ASXL2: variants seen among roughly 807,000 people sequenced by gnomAD.
ASXL2 encodes the protein putative Polycomb group protein ASXL2.
In ASXL2, 23 loss-of-function variants were observed where a neutral mutation model predicts 122.0. The ratio of observed to expected loss-of-function variants is 0.19; its 90% CI spans 0.14 to 0.27. The LOEUF (loss-of-function observed/expected upper bound fraction) is 0.27, where lower values mean the gene tolerates loss of function less well. ASXL2 is among the 10% of genes least tolerant of loss of function. The probability of loss-of-function intolerance (pLI) is 1.00; values close to 1 mark genes in which losing one functional copy is unlikely to be tolerated. For missense variants in ASXL2, 1,518 were observed against 1,713.8 expected (o/e 0.89, Z 2.02); for synonymous variants, 650 against 637.0 (o/e 1.02, Z -0.31).
At chr2:25,864,762 T>C (rs1295079718) in intron 1 of ASXL2, among the ~76,000 whole-genome samples, 1 of 152,068 alleles carries the variant, frequency 6.6e-6, no homozygotes, top group Non-Finnish European at 1.5e-5. Flanking sequence ...TACTAAATTA[T>C]ACTAGGTATA....
intron 5 of ASXL2, among the ~76,000 whole-genome samples, chr2:25,797,653 G>A (rs1238487072): frequency 6.6e-6 from 1 of 152,160 alleles, no homozygotes; most frequent in Non-Finnish European, 1.5e-5. Flanking sequence ...CACAACATAT[G>A]TCATTAGGGA....
chr2:25,858,769 G>T (rs796990137), intron 1 of ASXL2, among the ~76,000 whole-genome samples: 3 of 150,810 alleles, frequency 2.0e-5, no homozygotes, highest in African/African-American at 7.3e-5. Context: ...ATTGATAAAG[G>T]GAAGAAATGG....
At chr2:25,843,745 T>C (rs1218884343) in intron 2 of ASXL2, among the ~76,000 whole-genome samples, 2 of 140,688 alleles carry the variant, frequency 1.4e-5, no homozygotes, top group African/African-American at 5.4e-5. Context: ...AAGGCTGCAG[T>C]ACACCATGAT....
chr2:25,867,083 A>G (rs977222138), intron 1 of ASXL2, among the ~76,000 whole-genome samples: 1 of 152,204 alleles, frequency 6.6e-6, no homozygotes, highest in African/African-American at 2.4e-5. Context: ...TATTTTTAGT[A>G]GAGACGGGGT....
Position 25,739,119 on chromosome 2 carries a change from T to C in ASXL2, c.*2910A>G, listed in dbSNP as rs1399439945. 1.3e-5 allele frequency: 2 copies of C among 152,268 alleles called. No homozygotes were observed. The highest frequency in any genetic ancestry group is 2.9e-5 in the Non-Finnish European group (2 of 68,080). The allele number at this position is 152,268 out of a possible 1,614,324, so 9.4% of individuals were successfully genotyped here. On this transcript the variant is annotated 3_prime_UTR_variant, in exon 13 of 13. Coordinates refer to ENST00000435504, the MANE Select transcript of ASXL2 (RefSeq NM_018263.6). ...CTGGGGTGACCTGCAGTGGAGGACA[T>C]CTGAAGGCTAGATAGGGGTGCACGG...
intron 6 of ASXL2, among the ~76,000 whole-genome samples, chr2:25,769,999 G>A (rs1325649608): frequency 6.6e-6 from 1 of 152,132 alleles, no homozygotes; most frequent in Non-Finnish European, 1.5e-5. Context: ...TACATAAAAT[G>A]GCAGTATTGA....
At chr2:25,763,454 C>T (rs1466803057) in intron 8 of ASXL2, among the ~76,000 whole-genome samples, 1 of 151,436 alleles carries the variant, frequency 6.6e-6, no homozygotes, top group African/African-American at 2.4e-5. Flanking sequence ...CACGCCACTG[C>T]ACTCCAGCCT....
rs2089965651 is a variant in ASXL2 at position 25,872,032 on chromosome 2, CA to C, written c.57+6133del. ...AGAAAAACAATGAGTGAAAATTTTGCATAACAGATCTATGGGATAAATGTAA... is the reference window on the plus strand; with the variant it reads ...AGAAAAACAATGAGTGAAAATTTTGCTAACAGATCTATGGGATAAATGTAA... On this transcript the variant is annotated intron_variant, in intron 1 of 12. Transcript: ENST00000435504. 3.3e-5 allele frequency among the ~76,000 whole-genome samples: 5 copies of C among 152,166 alleles called. No homozygotes were observed. The South Asian group carries it at 1.0e-3, about 32-fold the overall frequency.
rs1234496717 is a variant in ASXL2 at position 25,734,095 on chromosome 2, CTAAG to C, written c.*7930_*7933del. On this transcript the variant is annotated 3_prime_UTR_variant, in exon 13 of 13. Transcript: ENST00000435504. Reference sequence around the variant, plus strand: ...AAAAAATAGGTCAAAGCACTTACAGCTAAGTGTTTTTTTTTCTTTCAAATTTCTA... The same window carrying C: ...AAAAAATAGGTCAAAGCACTTACAGCTGTTTTTTTTTCTTTCAAATTTCTA... The C allele has an allele frequency of 2.7e-5, 4 of 150,934 alleles. No individual in the cohort carries two copies. Among genetic ancestry groups the C allele is most frequent in the Admixed American group, 6.6e-5 (1 of 15,140 alleles). 9.3% of individuals were successfully genotyped at this position (150,934 alleles called of 1,614,324 possible).
chr2:25,770,899 G>A (rs1359059056), intron 6 of ASXL2, among the ~76,000 whole-genome samples: 1 of 151,922 alleles, frequency 6.6e-6, no homozygotes, highest in Admixed American at 6.6e-5. Context: ...AAAAGATTCT[G>A]AGCAAACTAC....
chr2:25,805,033 G>C (rs1361486748), intron 4 of ASXL2, among the ~76,000 whole-genome samples: 1 of 152,174 alleles, frequency 6.6e-6, no homozygotes, highest in Non-Finnish European at 1.5e-5. Flanking sequence ...CTGGGCAACA[G>C]AGCGAGACTG....
chr2:25,816,591 T>C (rs2089238510), intron 3 of ASXL2, among the ~76,000 whole-genome samples: 1 of 152,086 alleles, frequency 6.6e-6, no homozygotes, highest in African/African-American at 2.4e-5. Flanking sequence ...TAGCTAACAA[T>C]AACTAAGCCC....
chr2:25,835,315 T>G (rs143365212), intron 3 of ASXL2, among the ~76,000 whole-genome samples: 1 of 152,256 alleles, frequency 6.6e-6, no homozygotes, highest in Non-Finnish European at 1.5e-5. Context: ...AGATCGGATT[T>G]CTAAACTTAT....
chr2:25,781,260 AC>A (rs1368583889), intron 5 of ASXL2, among the ~76,000 whole-genome samples: 2 of 151,776 alleles, frequency 1.3e-5, no homozygotes, highest in Non-Finnish European at 2.9e-5. Flanking sequence ...TTGGCCAGGC[AC>A]GGTGGCTCAC....
chr2:25,860,660 G>A (rs537777223), intron 1 of ASXL2, among the ~76,000 whole-genome samples: 33 of 151,810 alleles, frequency 2.2e-4, no homozygotes, highest in African/African-American at 7.7e-4. Flanking sequence ...GCAGTGATCC[G>A]AGATCATGCC....
At chr2:25,805,187 T>C (rs951820727) in intron 4 of ASXL2, among the ~76,000 whole-genome samples, 3 of 152,214 alleles carry the variant, frequency 2.0e-5, no homozygotes, top group Non-Finnish European at 2.9e-5. Context: ...AATCCAATCT[T>C]CTGAACTTTG....
At chr2:25,753,217 G>A (rs1247199642) in intron 11 of ASXL2, among the ~76,000 whole-genome samples, 7 of 140,578 alleles carry the variant, frequency 5.0e-5, no homozygotes, top group African/African-American at 1.1e-4. Flanking sequence ...AGTTCGCCTC[G>A]GCCTCCCAAA....
At chr2:25,752,613 C>T (rs910452852) in intron 11 of ASXL2, among the ~76,000 whole-genome samples, 1 of 151,934 alleles carries the variant, frequency 6.6e-6, no homozygotes, top group African/African-American at 2.4e-5. Flanking sequence ...TTTGGGAGGC[C>T]GAGGAGGGCA....
chr2:25,878,084 A>C (rs1009919029), intron 1 of ASXL2, 82 bp downstream of exon 1: 340 of 1,564,606 alleles, frequency 2.2e-4, no homozygotes, highest in Non-Finnish European at 2.9e-4. Context: ...TCCCTGGGCC[A>C]GTGACCTCCC....
Sources: allele counts gnomAD v4.1 joint callset (sites outside exome capture counted in the v4.1 genomes callset), GRCh38; gene constraint gnomAD v4.1.1; transcripts MANE v1.5; gene names NCBI Gene and HGNC (gene_info 2026-07-23, HGNC 2026-07-21).